MTA3: variants seen among roughly 807,000 people sequenced by gnomAD.
MTA3 encodes metastasis-associated protein MTA3.
A neutral mutation model predicts 83.5 loss-of-function variants in MTA3; 34 were observed. That is an observed-to-expected ratio of 0.41 (90% CI 0.31 to 0.54). The LOEUF (loss-of-function observed/expected upper bound fraction) is 0.54, where lower values mean the gene tolerates loss of function less well. Ranked by LOEUF, MTA3 falls within the 20% of genes least tolerant of loss-of-function variation. The pLI is 0.33. For synonymous variants in MTA3, 303 were observed against 252.7 expected, an observed-to-expected ratio of 1.20 and a Z score of -1.89; for missense variants, 761 against 726.4, an observed-to-expected ratio of 1.05 and a Z score of -0.55.
rs541407846 is a variant in MTA3 at position 42,528,510 on chromosome 2, G to A, written c.-141+33256G>A. Reference sequence around the variant, plus strand: ...GCTGGGATTACAGGCATGAGCCACCGCGCCTGGACGGTCTCATAATTTCTA... The same window carrying A: ...GCTGGGATTACAGGCATGAGCCACCACGCCTGGACGGTCTCATAATTTCTA... On this transcript the variant is annotated intron_variant, in intron 2 of 17. Transcript: ENST00000405592. Among the ~76,000 whole-genome samples the A allele has an allele frequency of 5.9e-5, 9 of 152,330 alleles. No homozygotes were observed. In the South Asian group the frequency reaches 1.0e-3, roughly 18 times the overall value.
intron 3 of MTA3, among the ~76,000 whole-genome samples, chr2:42,585,888 T>A (rs1345052021): frequency 6.6e-6 from 1 of 152,118 alleles, no homozygotes; most frequent in Admixed American, 6.6e-5. Flanking sequence ...GAATGAGCTA[T>A]GATTGAGCAA....
At chr2:42,608,690 C>T (rs1016759690) in intron 3 of MTA3, among the ~76,000 whole-genome samples, 17 of 152,126 alleles carry the variant, frequency 1.1e-4, no homozygotes, top group African/African-American at 3.4e-4. Context: ...CGAGACCAGC[C>T]TGGGCAACAT....
intron 8 of MTA3, among the ~76,000 whole-genome samples, chr2:42,676,805 A>T (rs1691400979): frequency 1.3e-5 from 2 of 152,184 alleles, no homozygotes; most frequent in Non-Finnish European, 2.9e-5. Context: ...GAGGAATTTT[A>T]GCATTTTTGA....
At chr2:42,695,458 A>G (rs182634881) in intron 9 of MTA3, among the ~76,000 whole-genome samples, 1 of 151,950 alleles carries the variant, frequency 6.6e-6, no homozygotes, top group Non-Finnish European at 1.5e-5. Flanking sequence ...AACATGGTGA[A>G]ACCTTGTCTC....
chr2:42,751,579 G>A (rs1669873004), intron 16 of MTA3, among the ~76,000 whole-genome samples: 1 of 152,338 alleles, frequency 6.6e-6, no homozygotes, highest in African/African-American at 2.4e-5. Context: ...AATACAGAGA[G>A]GTGGCCTGTC....
At chr2:42,501,087 G>A (rs1674374571) in intron 2 of MTA3, among the ~76,000 whole-genome samples, 1 of 152,114 alleles carries the variant, frequency 6.6e-6, no homozygotes, top group Non-Finnish European at 1.5e-5. Flanking sequence ...TGGGATTACA[G>A]GCATGAGCCA....
chr2:42,655,713 G>A (rs546531876), intron 6 of MTA3, among the ~76,000 whole-genome samples: 17 of 152,080 alleles, frequency 1.1e-4, no homozygotes, highest in South Asian at 4.2e-4. Flanking sequence ...AGCGATTCTC[G>A]TGCCTCAACC....
chr2:42,513,890 C>G (rs1295858651), intron 2 of MTA3, among the ~76,000 whole-genome samples: 1 of 152,198 alleles, frequency 6.6e-6, no homozygotes, highest in Non-Finnish European at 1.5e-5. Flanking sequence ...TCCACTACCT[C>G]AAATTGAGAC....
intron 3 of MTA3, among the ~76,000 whole-genome samples, chr2:42,587,015 C>G (rs898017001): frequency 4.0e-5 from 6 of 150,688 alleles, no homozygotes; most frequent in Non-Finnish European, 8.9e-5. Flanking sequence ...GAGTGAGACT[C>G]CATCTCAAAA....
At chr2:42,714,886 C>T (rs559153351) in intron 14 of MTA3, among the ~76,000 whole-genome samples, 13 of 152,302 alleles carry the variant, frequency 8.5e-5, no homozygotes, top group African/African-American at 2.6e-4. Context: ...TGACAGGAGG[C>T]GGAGCTCAGG....
chr2:42,665,340 C>T (rs531850297), intron 8 of MTA3, among the ~76,000 whole-genome samples: 6 of 152,194 alleles, frequency 3.9e-5, no homozygotes, highest in South Asian at 2.1e-4. Context: ...TGCAGTGATC[C>T]GAGATTGTGC....
chr2:42,664,970 T>C (rs1221839397), intron 8 of MTA3, among the ~76,000 whole-genome samples: 2 of 152,238 alleles, frequency 1.3e-5, no homozygotes, highest in African/African-American at 4.8e-5. Flanking sequence ...ATGAATATAG[T>C]TGAGCTGTGA....
At chr2:42,522,269 G>A (rs1488266857) in intron 2 of MTA3, among the ~76,000 whole-genome samples, 12 of 152,180 alleles carry the variant, frequency 7.9e-5, no homozygotes, top group Non-Finnish European at 1.6e-4. Context: ...GTTACTTGCT[G>A]TAGAATGTGA....
chr2:42,563,682 G>C (rs1038345081), upstream of MTA3, among the ~76,000 whole-genome samples: 1 of 151,852 alleles, frequency 6.6e-6, no homozygotes, highest in Non-Finnish European at 1.5e-5. Context: ...TAGCCAGGAC[G>C]GTCTCGATCT....
chr2:42,709,059 G>C lies in MTA3; in HGVS notation c.1488G>C (p.Pro496=), dbSNP rs146685578. ...GGCTGCGGCAGGCAGCAAGACGGCC[G>C]TTTGTTGCTATTAATTATGCTGCCA... ...TLRLRQAARR[P]FVAINYAAIR... Residue 496 remains proline, a synonymous_variant, in exon 14 of 17, where the codon CCG becomes CCC. Coordinates refer to ENST00000405094, the MANE Select transcript of MTA3 (RefSeq NM_001330442.2). 233 of 1,611,688 alleles carry C rather than the reference G, an allele frequency of 1.4e-4. 3 individuals are homozygous for C. The South Asian group carries it at 2.4e-3, about 17-fold the overall frequency.
At position 42,669,266 on chromosome 2, in the gene MTA3, A is replaced by G. The variant is rs545927075; in HGVS notation, c.702+9404A>G. On this transcript the variant is annotated intron_variant, in intron 8 of 16. Transcript: ENST00000405094. The stretch of plus-strand genomic sequence containing the variant: ...CCTGGCTAATTTTTGTGTTTTTAGC[A>G]GAGATGGGCTTTTCACCATGTTTGC... 2.6e-5 allele frequency among the ~76,000 whole-genome samples: 4 copies of G among 152,106 alleles called. No individual in the cohort carries two copies. In the South Asian group the frequency reaches 8.3e-4, roughly 32 times the overall value.
intron 2 of MTA3, among the ~76,000 whole-genome samples, chr2:42,510,093 A>C (rs2103665493): frequency 6.6e-6 from 1 of 152,272 alleles, no homozygotes; most frequent in South Asian, 2.1e-4. Context: ...TGGGGGGCCA[A>C]GGTGGATGGA....
chr2:42,667,885 C>CTT (rs1462349752), intron 8 of MTA3, among the ~76,000 whole-genome samples: 1 of 152,190 alleles, frequency 6.6e-6, no homozygotes, highest in Non-Finnish European at 1.5e-5. Context: ...TTGCCTCTAT[C>CTT]TTTTGACTGT....
intron 2 of MTA3, among the ~76,000 whole-genome samples, chr2:42,527,332 G>A (rs972547917): frequency 2.0e-5 from 3 of 152,136 alleles, no homozygotes; most frequent in African/African-American, 7.2e-5. Context: ...GACCTGATCA[G>A]GAAATGGGGC....
Sources: gnomAD v4.1 joint callset for allele counts (sites outside exome capture counted in the v4.1 genomes callset) on GRCh38, gnomAD v4.1.1 for gene constraint, MANE v1.5 for transcripts, NCBI Gene and HGNC (gene_info 2026-07-23, HGNC 2026-07-21) for gene names.